The following DNAAF3 variants were observed in gnomAD, a reference collection of about 807,000 sequenced individuals.
DNAAF3 encodes UPF0470 protein C19orf51.
Under a neutral mutation model 50.9 loss-of-function variants are expected in DNAAF3, and 40 were observed. The ratio of observed to expected loss-of-function variants is 0.79; its 90% CI spans 0.61 to 1.02. The LOEUF (loss-of-function observed/expected upper bound fraction) is 1.02. DNAAF3 is among the 50% of genes least tolerant of loss of function. DNAAF3 has a pLI of 0.00. For missense variants in DNAAF3, 763 were observed against 744.7 expected, an observed-to-expected ratio of 1.02 and a Z score of -0.29; for synonymous variants, 327 against 322.8, an observed-to-expected ratio of 1.01 and a Z score of -0.14.
Position 55,159,615 on chromosome 19 carries a change from G to A in DNAAF3, c.1164-8C>T, listed in dbSNP as rs200920341. On this transcript the variant is annotated splice_polypyrimidine_tract_variant and splice_region_variant and intron_variant, in intron 10 of 11. Coordinates refer to ENST00000524407, the MANE Select transcript of DNAAF3 (RefSeq NM_001256715.2). ...ATGAGAAGATGGACCATACTGCAGA[G>A]AGGACGGAGGACAGGCTGAGATTCA... 1.5e-5 allele frequency: 24 copies of A among 1,612,718 alleles called. No individual in the cohort carries two copies. The East Asian group carries it at 5.1e-4, about 34-fold the overall frequency.
At chr19:55,165,295 C>G in intron 4 of DNAAF3, 75 bp downstream of exon 4, 1 of 1,391,992 alleles carries the variant, frequency 7.2e-7, no homozygotes, top group Non-Finnish European at 1.0e-6. Context: ...TTTAATTGTA[C>G]CATTGAAATG....
rs371668705 is a variant in DNAAF3 at position 55,161,377 on chromosome 19, G to C, written c.705C>G (p.Asp235Glu). ...CCCTGAGTTCAAAGGCGACGCCTGT[G>C]TCCCGCCAGCGTCGGAACTCCTGGG... is the stretch of plus-strand genomic sequence containing the variant. ...IHPQEFRRWRDTGVAFELRDS... is the reference protein window; with the variant it reads ...IHPQEFRRWRETGVAFELRDS... The change falls in exon 7 of 12, where the codon GAC (aspartate) becomes GAG (glutamate). Residue 235 changes from aspartate to glutamate, a missense_variant. Coordinates refer to ENST00000524407, the MANE Select transcript of DNAAF3 (RefSeq NM_001256715.2). The surrounding 1 kb of genome is among the most constrained non-coding windows in gnomAD (Gnocchi z 6.4). 5.7e-5 allele frequency: 88 copies of C among 1,534,708 alleles called. No individual in the cohort carries two copies. In the African/African-American group the frequency reaches 1.1e-3, roughly 20 times the overall value.
In DNAAF3 at chr19:55,161,586, CCCT is replaced by C; in HGVS notation, c.663+54_663+56del. 1 of 1,488,762 alleles carries C rather than the reference CCCT, an allele frequency of 6.7e-7. No individual in the cohort carries two copies. Among genetic ancestry groups the C allele is most frequent in the Non-Finnish European group, 8.9e-7 (1 of 1,119,596 alleles). The allele number at this position is 1,488,762 out of a possible 1,614,324, so 92.2% of individuals were successfully genotyped here. On this transcript the variant is annotated intron_variant, in intron 6 of 11. Transcript: ENST00000524407. This position sits in a 1 kb window ranked among gnomAD's most constrained non-coding sequence, Gnocchi z 6.4. ...CCCTCAGACTCAGGAGGCCCCCAGC[CCCT>C]CCTCCCTCAGACCCAGGGGTCCAGG... is the stretch of plus-strand genomic sequence containing the variant.
chr19:55,158,804 C>T lies in DNAAF3; in HGVS notation c.*258G>A. 2.5e-6 allele frequency: 1 copy of T among 396,938 alleles called. No homozygotes were observed. The highest frequency in any genetic ancestry group is 4.5e-6 in the Non-Finnish European group (1 of 222,920). 24.6% of individuals were successfully genotyped at this position (396,938 alleles called of 1,614,324 possible). On this transcript the variant is annotated 3_prime_UTR_variant, in exon 12 of 12. Coordinates refer to ENST00000524407, the MANE Select transcript of DNAAF3 (RefSeq NM_001256715.2). ...AGGGCCTGAGACTCAGTGTCAGATCCTAGGCTGGGCTTAGAGCCTCAGAAG... is the reference window on the plus strand; with the variant it reads ...AGGGCCTGAGACTCAGTGTCAGATCTTAGGCTGGGCTTAGAGCCTCAGAAG...
At chr19:55,165,280 A>G in intron 4 of DNAAF3, 90 bp downstream of exon 4, 1 of 1,317,398 alleles carries the variant, frequency 7.6e-7, no homozygotes, top group Non-Finnish European at 1.1e-6. Context: ...AAAATAACCA[A>G]ACTTTTTAAT....
rs2085845754 is a variant in DNAAF3 at position 55,162,027 on chromosome 19, G to A, written c.480+106C>T. 1.2e-5 allele frequency: 16 copies of A among 1,345,132 alleles called. No homozygotes were observed. The Admixed American group carries it at 5.0e-4, about 42-fold the overall frequency. 83.3% of individuals were successfully genotyped at this position (1,345,132 alleles called of 1,614,324 possible). ...AGTGGGAGTCGGGGAACTGGGATTC[G>A]AACCCCCTAGCCCGCCGCCTGCTCC... On this transcript the variant is annotated intron_variant, in intron 5 of 11. Transcript: ENST00000524407.
chr19:55,164,976 T>A (rs1358501633), intron 4 of DNAAF3, among the ~76,000 whole-genome samples: 1 of 151,270 alleles, frequency 6.6e-6, no homozygotes, highest in Non-Finnish European at 1.5e-5. Flanking sequence ...GGTACCACAC[T>A]GGAAAATACC....
rs568564289 is a variant in DNAAF3, at chr19:55,159,002, G to A, written c.*60C>T. 6.0e-6 allele frequency: 9 copies of A among 1,509,906 alleles called. No homozygotes were observed. The highest frequency in any genetic ancestry group is 4.5e-5 in the East Asian group (2 of 44,034). 93.5% of individuals were successfully genotyped at this position (1,509,906 alleles called of 1,614,324 possible). Reference sequence around the variant, plus strand: ...GCAGCGGACTTAGAATGGTATCAGCGGGTTCTCATCCTACAACCTGACTTT... The same window carrying A: ...GCAGCGGACTTAGAATGGTATCAGCAGGTTCTCATCCTACAACCTGACTTT... On this transcript the variant is annotated 3_prime_UTR_variant, in exon 12 of 12. Transcript: ENST00000524407.
At position 55,160,784 on chromosome 19, in the gene DNAAF3, A is replaced by G; in HGVS notation, c.913-9T>C. ...GTGATCTCCCCGGCCGTCTAACAGT[A>G]GAAGGGGCGTGGCCAGACGTCGGGG... On this transcript the variant is annotated splice_polypyrimidine_tract_variant and intron_variant, in intron 8 of 11. Coordinates refer to ENST00000524407, the MANE Select transcript of DNAAF3 (RefSeq NM_001256715.2). The surrounding 1 kb of genome is among the most constrained non-coding windows in gnomAD (Gnocchi z 4.7). 1.2e-6 allele frequency: 2 copies of G among 1,607,248 alleles called. No homozygotes were observed. Among genetic ancestry groups the G allele is most frequent in the Non-Finnish European group, 1.7e-6 (2 of 1,178,756 alleles).
chr19:55,166,338 G>T lies in DNAAF3; in HGVS notation c.76C>A (p.Gln26Lys). ...GCGTGCTGGGACTCACTTTCAGCCT[G>T]CAGGTCCAGCGCCGGGGACAGGCCC... is the stretch of plus-strand genomic sequence containing the variant. The part of the protein sequence containing the change: ...WWGLSPALDL[Q>K]AESPPVDPDS... The change falls in exon 2 of 12, where the codon CAG becomes AAG. Residue 26 changes from glutamine (Q) to lysine (K), a missense_variant. Transcript: ENST00000524407. The surrounding 1 kb of genome is among the most constrained non-coding windows in gnomAD (Gnocchi z 4.0). 1 of 1,613,534 alleles carries T rather than the reference G, an allele frequency of 6.2e-7. No individual in the cohort carries two copies. The highest frequency in any genetic ancestry group is 8.5e-7 in the Non-Finnish European group (1 of 1,179,816).
At position 55,161,278 on chromosome 19, in the gene DNAAF3, G is replaced by A. The variant is rs1286783460; in HGVS notation, c.789+15C>T. On this transcript the variant is annotated intron_variant, in intron 7 of 11. Coordinates refer to ENST00000524407, the MANE Select transcript of DNAAF3 (RefSeq NM_001256715.2). This position sits in a 1 kb window ranked among gnomAD's most constrained non-coding sequence, Gnocchi z 6.4. ...GAGCAGCAGCAGTGGGCCAGGACAG[G>A]CAGTGGACACGCACGTAGCTCAGGA... 29 of 1,607,546 alleles carry A rather than the reference G, an allele frequency of 1.8e-5. No individual in the cohort carries two copies. Among genetic ancestry groups the A allele is most frequent in the Non-Finnish European group, 2.4e-5 (28 of 1,176,058 alleles).
intron 4 of DNAAF3, chr19:55,162,551 A>C (rs964687740): frequency 2.3e-6 from 2 of 879,996 alleles, no homozygotes; most frequent in African/African-American, 1.8e-5. Flanking sequence ...ATGCCATTGC[A>C]CTCCAGCCTG....
chr19:55,162,534 C>T, intron 4 of DNAAF3: 1 of 821,066 alleles, frequency 1.2e-6, no homozygotes, highest in Admixed American at 5.0e-5. Context: ...TGCAATGGGC[C>T]GAGATCATGC....
At position 55,161,149 on chromosome 19, in the gene DNAAF3, G is replaced by A. The variant is rs1414978481; in HGVS notation, c.828C>T (p.Asp276=). The stretch of plus-strand genomic sequence containing the variant: ...AGGCCACGAAGGGCCCCGTGGCGAT[G>A]TCCCCCCAGTACCCGCGCGCTGCCA... ...ERVAARGYWG[D]IATGPFVAFG... is the part of the protein sequence containing the mutation. Residue 276 remains aspartate (D), a synonymous_variant, in exon 8 of 12, where the codon GAC becomes GAT. Transcript: ENST00000524407. This position sits in a 1 kb window ranked among gnomAD's most constrained non-coding sequence, Gnocchi z 6.4. 2 of 1,555,610 alleles carry A rather than the reference G, an allele frequency of 1.3e-6. No individual in the cohort carries two copies. Among genetic ancestry groups the A allele is most frequent in the African/African-American group, 1.4e-5 (1 of 73,328 alleles).
intron 4 of DNAAF3, among the ~76,000 whole-genome samples, chr19:55,163,103 G>C (rs1242973434): frequency 7.4e-6 from 1 of 134,304 alleles, no homozygotes; most frequent in African/African-American, 2.8e-5. Flanking sequence ...TCCGCCTCCC[G>C]GGTTCACGCC....
chr19:55,161,681 TG>T lies in DNAAF3; in HGVS notation c.624del (p.Ser209AlafsTer7). 7.8e-6 allele frequency: 12 copies of T among 1,539,992 alleles called. No individual in the cohort carries two copies. The South Asian group carries it at 1.4e-4, about 18-fold the overall frequency. On this transcript the variant is annotated frameshift_variant, in exon 6 of 12. Coordinates refer to ENST00000524407, the MANE Select transcript of DNAAF3 (RefSeq NM_001256715.2). LOFTEE classifies it high-confidence loss of function. The surrounding 1 kb of genome is among the most constrained non-coding windows in gnomAD (Gnocchi z 6.4). ...LGSRYDARRGVSDWDLRMKLH... is the reference protein window; with the variant it reads ...LGSRYDARRGXSDWDLRMKLH... ...AGCTTCATGCGCAGGTCCCAGTCGC[TG>T]ACACCGCGCCGGGCGTCGTAGCGGG... is the stretch of plus-strand genomic sequence containing the variant.
chr19:55,160,149 T>G lies in DNAAF3; in HGVS notation c.1049-136A>C. On this transcript the variant is annotated intron_variant, in intron 9 of 11. Transcript: ENST00000524407. The surrounding 1 kb of genome is among the most constrained non-coding windows in gnomAD (Gnocchi z 4.7). The stretch of plus-strand genomic sequence containing the variant: ...ATAACACTTTTTGTCCTCTTGCAGC[T>G]TTTTAAAAAATCCTCTAAGGTAGGC... The G allele has an allele frequency of 1.5e-6, 1 of 666,378 alleles. No homozygotes were observed. 41.3% of individuals were successfully genotyped at this position (666,378 alleles called of 1,614,324 possible).
chr19:55,164,578 G>A (rs1289059790), intron 4 of DNAAF3, among the ~76,000 whole-genome samples: 1 of 151,970 alleles, frequency 6.6e-6, no homozygotes, highest in Admixed American at 6.6e-5. Flanking sequence ...AGGCTGGAGT[G>A]CAGTGGTGTG....
intron 5 of DNAAF3, 50 bp downstream of exon 5, chr19:55,162,083 C>G (rs558869777): frequency 5.6e-6 from 7 of 1,241,690 alleles, no homozygotes; most frequent in Middle Eastern, 6.0e-4. Context: ...CTGTGCGCTT[C>G]CATTATTCCC....
Sources: allele counts gnomAD v4.1 joint callset (sites outside exome capture counted in the v4.1 genomes callset), GRCh38; gene constraint gnomAD v4.1.1; non-coding constraint Gnocchi (gnomAD v3.1); transcripts MANE v1.5; gene names NCBI Gene and HGNC (gene_info 2026-07-23, HGNC 2026-07-21).